Variants in PHACTR4 observed in about 807,000 individuals in gnomAD.
PHACTR4 encodes phosphatase and actin regulator 4.
PHACTR4 carries 51 observed loss-of-function variants against 72.7 expected under a neutral mutation model. The observed-to-expected ratio is 0.70, with a 90% CI of 0.56 to 0.89. The LOEUF is 0.89. Ranked by LOEUF, PHACTR4 falls within the 40% of genes least tolerant of loss-of-function variation. PHACTR4 has a pLI of 0.00. For synonymous variants in PHACTR4, 255 were observed against 302.5 expected (o/e 0.84, Z 1.63); for missense variants, 731 against 861.8 (o/e 0.85, Z 1.90).
At position 28,460,352 on chromosome 1, in the gene PHACTR4, TGAC is replaced by T. The variant is rs1225739589; in HGVS notation, c.271+63_271+65del. 4.2e-6 allele frequency: 5 copies of T among 1,186,746 alleles called. No individual in the cohort carries two copies. In the African/African-American group the frequency reaches 6.2e-5, roughly 15 times the overall value. 73.5% of individuals were successfully genotyped at this position (1,186,746 alleles called of 1,614,324 possible). A position where few individuals can be genotyped will look rare whatever the true frequency, so the allele number is the denominator to read the frequency against. On this transcript the variant is annotated intron_variant, in intron 4 of 13. Coordinates refer to ENST00000373839, the MANE Select transcript of PHACTR4 (RefSeq NM_001048183.3). ...TGTGCACTTGGTCTTTGATTGGGTC[TGAC>T]GAGATATTTGAATTTTCTTTCTTTC...
intron 2 of PHACTR4, among the ~76,000 whole-genome samples, chr1:28,418,336 C>T (rs1380228149): frequency 1.3e-5 from 2 of 151,710 alleles, no homozygotes; most frequent in East Asian, 3.9e-4. Context: ...ATAATAATAG[C>T]TGGGCGTGGT....
At chr1:28,421,409 T>C (rs1277631062) in intron 2 of PHACTR4, among the ~76,000 whole-genome samples, 4 of 151,630 alleles carry the variant, frequency 2.6e-5, no homozygotes, top group Non-Finnish European at 5.9e-5. Context: ...TTTTTTTTGA[T>C]TCCTCATCAA....
chr1:28,418,245 A>G (rs1655242422), intron 2 of PHACTR4, among the ~76,000 whole-genome samples: 1 of 152,004 alleles, frequency 6.6e-6, no homozygotes, highest in Non-Finnish European at 1.5e-5. Context: ...GGCAGATCAC[A>G]TGAGGTCAGG....
chr1:28,449,741 A>G (rs1046050588), intron 2 of PHACTR4, among the ~76,000 whole-genome samples: 7 of 151,832 alleles, frequency 4.6e-5, no homozygotes, highest in African/African-American at 1.2e-4. Flanking sequence ...AATCCCAGCT[A>G]CTTGGGAGGC....
At chr1:28,458,108 T>TGTG (rs1658534886) in intron 2 of PHACTR4, among the ~76,000 whole-genome samples, 3 of 120,292 alleles carry the variant, frequency 2.5e-5, no homozygotes, top group East Asian at 2.3e-4. Context: ...GTGTGTGTGT[T>TGTG]TGTGTGTGTG....
At chr1:28,487,199 T>A (rs982717212) in intron 9 of PHACTR4, among the ~76,000 whole-genome samples, 10 of 151,866 alleles carry the variant, frequency 6.6e-5, no homozygotes, top group Admixed American at 3.9e-4. Flanking sequence ...ACGCCATCTC[T>A]ACTAAAACTA....
intron 1 of PHACTR4, among the ~76,000 whole-genome samples, chr1:28,404,197 G>A (rs1157571041): frequency 6.6e-6 from 1 of 151,412 alleles, no homozygotes; most frequent in Non-Finnish European, 1.5e-5. Flanking sequence ...TGATCTGCCT[G>A]CCTTGTCCTC....
At chr1:28,475,375 A>C (rs966612965) in intron 7 of PHACTR4, among the ~76,000 whole-genome samples, 1 of 152,112 alleles carries the variant, frequency 6.6e-6, no homozygotes, top group Non-Finnish European at 1.5e-5. Context: ...CAGGGAAGGC[A>C]TTGTATAATG....
intron 2 of PHACTR4, among the ~76,000 whole-genome samples, chr1:28,440,391 A>ATTGT (rs1414224976): frequency 1.1e-5 from 1 of 89,966 alleles, no homozygotes; most frequent in African/African-American, 5.0e-5. Flanking sequence ...AAATTCATCA[A>ATTGT]TTCTTTTTTT....
chr1:28,418,318 AAAT>A (rs1553189230), intron 2 of PHACTR4, among the ~76,000 whole-genome samples: 1 of 151,274 alleles, frequency 6.6e-6, no homozygotes, highest in Non-Finnish European at 1.5e-5. Flanking sequence ...CAAAAAAAAA[AAAT>A]AATAATAATA....
intron 13 of PHACTR4, among the ~76,000 whole-genome samples, chr1:28,495,270 C>CT (rs750645199): frequency 4.6e-4 from 69 of 151,408 alleles, no homozygotes; most frequent in Admixed American, 1.4e-3. Context: ...AGGCTTTATT[C>CT]TTTTTTTTTC....
intron 1 of PHACTR4, among the ~76,000 whole-genome samples, chr1:28,402,961 G>A (rs1654048282): frequency 6.6e-6 from 1 of 152,246 alleles, no homozygotes; most frequent in East Asian, 1.9e-4. Flanking sequence ...AGAAATTAAA[G>A]GTCTATAAGA....
rs1260782008 is a variant in PHACTR4, at chr1:28,444,181, TG to T, written c.17-14903del. Among the ~76,000 whole-genome samples the T allele has an allele frequency of 1.3e-4, 19 of 151,884 alleles. No homozygotes were observed. The South Asian group carries it at 4.0e-3, about 32-fold the overall frequency. ...TTTGATTTGCATTCACCTGATGATTTGTTATGTTGAGCATTTAAAAAAATAT... is the reference window on the plus strand; with the variant it reads ...TTTGATTTGCATTCACCTGATGATTTTTATGTTGAGCATTTAAAAAAATAT... On this transcript the variant is annotated intron_variant, in intron 2 of 13. Coordinates refer to ENST00000373839, the MANE Select transcript of PHACTR4 (RefSeq NM_001048183.3).
intron 9 of PHACTR4, among the ~76,000 whole-genome samples, chr1:28,481,689 C>G (rs1207451243): frequency 1.3e-5 from 2 of 151,160 alleles, no homozygotes; most frequent in Non-Finnish European, 2.9e-5. Context: ...ACTCGGGAGG[C>G]TGAGATCGGA....
chr1:28,430,619 A>T (rs74064744), intron 2 of PHACTR4, among the ~76,000 whole-genome samples: 5,262 of 152,210 alleles, frequency 0.035, 291 homozygotes, highest in African/African-American at 0.12. Flanking sequence ...TGATGTGAAT[A>T]TGTATTTGTG....
chr1:28,400,531 G>A (rs1278958004), intron 1 of PHACTR4, among the ~76,000 whole-genome samples: 4 of 152,186 alleles, frequency 2.6e-5, no homozygotes, highest in South Asian at 4.1e-4. Context: ...TAGGAGCTGG[G>A]GAATGGCCAG....
chr1:28,430,388 C>T (rs1243475330), intron 2 of PHACTR4, among the ~76,000 whole-genome samples: 2 of 151,964 alleles, frequency 1.3e-5, no homozygotes, highest in South Asian at 2.1e-4. Context: ...AAATTCCTGG[C>T]GAAGGGAGCA....
At chr1:28,405,943 A>G (rs1047527098) in intron 1 of PHACTR4, among the ~76,000 whole-genome samples, 1 of 152,108 alleles carries the variant, frequency 6.6e-6, no homozygotes, top group African/African-American at 2.4e-5. Context: ...CACAGAACCC[A>G]GATTTCTATC....
At chr1:28,431,962 GC>G (rs1223345044) in intron 2 of PHACTR4, among the ~76,000 whole-genome samples, 3 of 152,180 alleles carry the variant, frequency 2.0e-5, no homozygotes, top group Admixed American at 6.5e-5. Context: ...TGTAATCCCA[GC>G]ACTTTGGGAG....
Sources: allele counts gnomAD v4.1 joint callset (sites outside exome capture counted in the v4.1 genomes callset), GRCh38; gene constraint gnomAD v4.1.1; transcripts MANE v1.5; gene names NCBI Gene and HGNC (gene_info 2026-07-23, HGNC 2026-07-21).